Variants in TBC1D4 observed in about 807,000 individuals in gnomAD.
TBC1D4 encodes TBC (Tre-2, BUB2, CDC16) domain-containing protein.
A neutral mutation model predicts 142.5 loss-of-function variants in TBC1D4; 121 were observed. The observed-to-expected ratio is 0.85, with a 90% CI of 0.73 to 0.99. The LOEUF (loss-of-function observed/expected upper bound fraction) is 0.99, where lower values mean the gene tolerates loss of function less well. TBC1D4 is among the 50% of genes least tolerant of loss of function. The pLI, the probability that TBC1D4 is intolerant of heterozygous loss-of-function variation, is 0.00. For missense variants in TBC1D4, 1,475 were observed against 1,606.6 expected (o/e 0.92, Z 1.40); for synonymous variants, 630 against 628.2 (o/e 1.00, Z -0.04).
intron 1 of TBC1D4, among the ~76,000 whole-genome samples, chr13:75,441,682 A>C (rs1887047704): frequency 1.3e-5 from 2 of 152,224 alleles, no homozygotes; most frequent in African/African-American, 4.8e-5. Context: ...TAGTCATAAA[A>C]TTTTGAACCA....
intron 1 of TBC1D4, among the ~76,000 whole-genome samples, chr13:75,372,414 C>T (rs753146602): frequency 4.6e-5 from 7 of 152,034 alleles, no homozygotes; most frequent in Non-Finnish European, 1.0e-4. Context: ...GAATTACAGG[C>T]GCCCACCAGG....
intron 17 of TBC1D4, among the ~76,000 whole-genome samples, chr13:75,295,778 G>T (rs1875850731): frequency 6.6e-6 from 1 of 152,144 alleles, no homozygotes; most frequent in Non-Finnish European, 1.5e-5. Context: ...AAACAAATTT[G>T]TGAATTGTGT....
intron 1 of TBC1D4, among the ~76,000 whole-genome samples, chr13:75,415,022 G>A (rs927963416): frequency 5.3e-5 from 8 of 151,722 alleles, no homozygotes; most frequent in Admixed American, 4.6e-4. Context: ...TACTTGGGAG[G>A]CTGAGGCAAG....
chr13:75,317,464 C>T (rs1424084370), intron 12 of TBC1D4, among the ~76,000 whole-genome samples: 3 of 152,130 alleles, frequency 2.0e-5, no homozygotes, highest in African/African-American at 7.2e-5. Flanking sequence ...AATGTATACA[C>T]TTTTAACTGT....
chr13:75,319,414 C>CA (rs1371978399), intron 12 of TBC1D4, among the ~76,000 whole-genome samples: 1 of 152,058 alleles, frequency 6.6e-6, no homozygotes, highest in South Asian at 2.1e-4. Context: ...ATGTTCACCA[C>CA]AAAAAAAGCA....
intron 1 of TBC1D4, among the ~76,000 whole-genome samples, chr13:75,467,434 A>G (rs1392528663): frequency 1.3e-5 from 2 of 152,218 alleles, no homozygotes; most frequent in African/African-American, 4.8e-5. Context: ...CATAAACCAC[A>G]TACTGCTTCA....
At chr13:75,351,961 T>C (rs189107482) in intron 4 of TBC1D4, among the ~76,000 whole-genome samples, 1 of 152,352 alleles carries the variant, frequency 6.6e-6, no homozygotes, top group African/African-American at 2.4e-5. Context: ...ATTTATCACA[T>C]TTTATCGCAT....
intron 1 of TBC1D4, among the ~76,000 whole-genome samples, chr13:75,369,497 T>TCTCACA (rs111622568): frequency 6.6e-4 from 99 of 150,650 alleles, no homozygotes; most frequent in African/African-American, 2.2e-3. Context: ...AGACCCTGTC[T>TCTCACA]CACACACACA....
chr13:75,380,482 A>C (rs1883772556), intron 1 of TBC1D4, among the ~76,000 whole-genome samples: 1 of 151,980 alleles, frequency 6.6e-6, no homozygotes, highest in Non-Finnish European at 1.5e-5. Flanking sequence ...CCAAAAAAAA[A>C]AGGCAGACAC....
intron 1 of TBC1D4, among the ~76,000 whole-genome samples, chr13:75,473,758 T>A (rs997410647): frequency 6.6e-6 from 1 of 152,346 alleles, no homozygotes; most frequent in African/African-American, 2.4e-5. Context: ...CACAAACCTA[T>A]GGCAAGATTA....
intron 1 of TBC1D4, among the ~76,000 whole-genome samples, chr13:75,380,397 C>G (rs1404331854): frequency 6.6e-6 from 1 of 151,836 alleles, no homozygotes; most frequent in African/African-American, 2.4e-5. Flanking sequence ...CACTTGAACC[C>G]AGGAGGTGGA....
chr13:75,454,570 T>C (rs546277697), intron 1 of TBC1D4, among the ~76,000 whole-genome samples: 32 of 152,326 alleles, frequency 2.1e-4, no homozygotes, highest in African/African-American at 7.7e-4. Context: ...AGATCCAAAA[T>C]TAAATACAGA....
Position 75,481,738 on chromosome 13 carries a change from C to A in TBC1D4, c.30G>T (p.Glu10Asp). The change falls in exon 1 of 21, where the codon GAG becomes GAT. Residue 10 changes from glutamate to aspartate, a missense_variant. Physicochemically the swap from Glu to Asp is conservative, Grantham distance 45 (BLOSUM62 2). Around this residue, in one of 2 missense-constraint regions of TBC1D4, gnomAD observed 1,227 missense variants for 1,267.7 expected, o/e 0.97. Coordinates refer to ENST00000377636, the MANE Select transcript of TBC1D4 (RefSeq NM_014832.5). Reference protein sequence around the residue: MEPPSCIQDEPFPHPLEPEP... With the variant: MEPPSCIQDDPFPHPLEPEP... ...CGGGCTCCAGGGGGTGCGGGAACGG[C>A]TCATCCTGAATGCAGCTGGGCGGCT... The A allele has an allele frequency of 6.3e-7, 1 of 1,593,762 alleles. No individual in the cohort carries two copies. Among genetic ancestry groups the A allele is most frequent in the African/African-American group, 1.4e-5 (1 of 73,342 alleles).
rs145011623 is a variant in TBC1D4, at chr13:75,362,101, C to T, written c.1005G>A (p.Pro335=). 870 of 1,614,036 alleles carry T rather than the reference C, an allele frequency of 5.4e-4. 4 individuals carry two copies. The African/African-American group carries it at 0.01, about 19-fold the overall frequency. The part of the protein sequence containing the change: ...RVHEGSQKSQ[P]RRRHASAPSH... ...TGGGTGCGCTCGCGTGTCTCCGTCG[C>T]GGCTGGGATTTCTGGCTGCCCTCGT... The change falls in exon 2 of 21, where the codon CCG becomes CCA. Residue 335 remains proline (P), a synonymous_variant. Transcript: ENST00000377636. This position sits in a 1 kb window ranked among gnomAD's most constrained non-coding sequence, Gnocchi z 4.2.
intron 1 of TBC1D4, among the ~76,000 whole-genome samples, chr13:75,440,217 G>T (rs1449998738): frequency 2.0e-5 from 3 of 152,062 alleles, no homozygotes; most frequent in African/African-American, 7.2e-5. Context: ...AAAGAAGAAG[G>T]GTGTTTCAAC....
rs377401651 is a variant in TBC1D4, at chr13:75,468,844, A to G, written c.498+12426T>C. ...CAATTCGTTGGAATGAACCCATACT[A>G]CAGAACTAGGTTCTGGGCACACAAC... On this transcript the variant is annotated intron_variant, in intron 1 of 20. Transcript: ENST00000377636. 3.9e-5 allele frequency among the ~76,000 whole-genome samples: 6 copies of G among 152,228 alleles called. No individual in the cohort carries two copies. In the South Asian group the frequency reaches 1.0e-3, roughly 26 times the overall value.
chr13:75,285,396 G>A lies in TBC1D4; in HGVS notation c.*1396C>T, dbSNP rs944540896. 6.6e-6 allele frequency: 1 copy of A among 152,222 alleles called. No individual in the cohort carries two copies. The highest frequency in any genetic ancestry group is 6.5e-5 in the Admixed American group (1 of 15,286). 9.4% of individuals were successfully genotyped at this position (152,222 alleles called of 1,614,324 possible). A position where few individuals can be genotyped will look rare whatever the true frequency, so the allele number is the denominator to read the frequency against. On this transcript the variant is annotated 3_prime_UTR_variant, in exon 21 of 21. Transcript: ENST00000377636. The stretch of plus-strand genomic sequence containing the variant: ...AAATACAAGTACTGCAAAAAGCAGT[G>A]AGGATAAATACTTTTTGGAAAGGCA...
At chr13:75,320,164 CAATGAATAATTAT>C in intron 11 of TBC1D4, 127 bp from the exon 12 acceptor site, 1 of 949,588 alleles carries the variant, frequency 1.1e-6, no homozygotes, top group Non-Finnish European at 1.6e-6. Context: ...TAATGAACCA[CAATGAATAATTAT>C]ACCTTTTTTT....
At chr13:75,366,556 T>A in intron 1 of TBC1D4, among the ~76,000 whole-genome samples, 1 of 152,288 alleles carries the variant, frequency 6.6e-6, no homozygotes, top group South Asian at 2.1e-4. Context: ...AGGGTCTCAT[T>A]ATATTTAGAA....
Sources: gnomAD v4.1 joint callset for allele counts (sites outside exome capture counted in the v4.1 genomes callset) on GRCh38, gnomAD v4.1.1 for gene constraint, gnomAD v4.1.1 regional missense constraint, Gnocchi (gnomAD v3.1) non-coding constraint, MANE v1.5 for transcripts, NCBI Gene and HGNC (gene_info 2026-07-23, HGNC 2026-07-21) for gene names.